The following MVB12B variants were observed in gnomAD, a reference collection of about 807,000 sequenced individuals.
The protein encoded by MVB12B is ESCRT-I complex subunit MVB12B.
A neutral mutation model predicts 41.6 loss-of-function variants in MVB12B; 16 were observed. The observed-to-expected ratio is 0.38, with a 90% CI of 0.26 to 0.58. MVB12B has a LOEUF of 0.58. Ranked by LOEUF, MVB12B falls within the 20% of genes least tolerant of loss-of-function variation. MVB12B has a pLI of 0.62. For missense variants in MVB12B, 274 were observed against 380.2 expected (o/e 0.72, Z 2.32); for synonymous variants, 133 against 139.7 (o/e 0.95, Z 0.34).
At chr9:126,396,695 A>T (rs1453652282) in intron 6 of MVB12B, 1 of 985,354 alleles carries the variant, frequency 1.0e-6, no homozygotes, top group Non-Finnish European at 1.2e-6. Flanking sequence ...CCTCTGGGAC[A>T]TCCCCCTATA....
intron 9 of MVB12B, among the ~76,000 whole-genome samples, chr9:126,501,992 C>G (rs1833969517): frequency 1.3e-5 from 2 of 152,194 alleles, no homozygotes; most frequent in African/African-American, 4.8e-5. Context: ...TGCCCGTGTA[C>G]AGGTGTCCCC....
chr9:126,472,868 T>C (rs1267492227), intron 7 of MVB12B, among the ~76,000 whole-genome samples: 3 of 152,198 alleles, frequency 2.0e-5, no homozygotes, highest in Non-Finnish European at 4.4e-5. Flanking sequence ...AGAATGCTAA[T>C]TGCGCCACAG....
intron 2 of MVB12B, among the ~76,000 whole-genome samples, chr9:126,378,775 C>T (rs16928937): frequency 0.011 from 1,644 of 152,242 alleles, 50 homozygotes; most frequent in East Asian, 0.069. Context: ...TTTAATGCTT[C>T]GCAGACAAGG....
At position 126,395,626 on chromosome 9, in the gene MVB12B, T is replaced by G. The variant is rs944299189; in HGVS notation, c.591T>G (p.Asn197Lys). 2 of 1,614,108 alleles carry G rather than the reference T, an allele frequency of 1.2e-6. No individual in the cohort carries two copies. Among genetic ancestry groups the G allele is most frequent in the Non-Finnish European group, 1.7e-6 (2 of 1,180,012 alleles). Residue 197 changes from asparagine (N) to lysine (K), a missense_variant, in exon 6 of 10, where the codon AAT becomes AAG. Physicochemically the swap from Asn to Lys is moderately conservative, Grantham distance 94 (BLOSUM62 0). Coordinates refer to ENST00000361171, the MANE Select transcript of MVB12B (RefSeq NM_033446.3). This position sits in a 1 kb window ranked among gnomAD's most constrained non-coding sequence, Gnocchi z 4.9. ...IWYRMGRVPR[N>K]HDSSQPTTPS... ...ATCGAATGGGCAGAGTACCAAGAAA[T>G]CATGACTCATCTCAACCCACAACGC...
intron 9 of MVB12B, among the ~76,000 whole-genome samples, chr9:126,496,610 T>A (rs1833841850): frequency 6.6e-6 from 1 of 151,994 alleles, no homozygotes; most frequent in African/African-American, 2.4e-5. Flanking sequence ...AGGAACACGC[T>A]TCCCAGAGCA....
intron 7 of MVB12B, among the ~76,000 whole-genome samples, chr9:126,452,075 G>T (rs191042929): frequency 1.3e-5 from 2 of 152,316 alleles, no homozygotes; most frequent in East Asian, 3.9e-4. Flanking sequence ...GGAGGCAGGG[G>T]ATCCTTGTGT....
chr9:126,481,239 C>G (rs1833517181), intron 7 of MVB12B, 130 bp from the exon 8 acceptor site: 2 of 788,808 alleles, frequency 2.5e-6, no homozygotes, highest in Middle Eastern at 2.3e-4. Flanking sequence ...TCCAGCACAT[C>G]TGTGCTGGAT....
chr9:126,376,335 C>A lies in MVB12B; in HGVS notation c.205-4729C>A. On this transcript the variant is annotated intron_variant, in intron 2 of 9. Coordinates refer to ENST00000361171, the MANE Select transcript of MVB12B (RefSeq NM_033446.3). The surrounding 1 kb of genome is among the most constrained non-coding windows in gnomAD (Gnocchi z 4.1). ...CTGTCCTGAGCCGGCACTGTTTCCC[C>A]CTATTCTCTTTGCTACCTTCAAGCT... 1 of 401,298 alleles carries A rather than the reference C, an allele frequency of 2.5e-6. No individual in the cohort carries two copies. The highest frequency in any genetic ancestry group is 4.9e-6 in the Non-Finnish European group (1 of 205,950). The allele number at this position is 401,298 out of a possible 1,614,324, so 24.9% of individuals were successfully genotyped here. A position where few individuals can be genotyped will look rare whatever the true frequency, so the allele number is the denominator to read the frequency against.
intron 2 of MVB12B, among the ~76,000 whole-genome samples, chr9:126,371,757 G>A (rs77627257): frequency 0.025 from 3,861 of 152,276 alleles, 146 homozygotes; most frequent in African/African-American, 0.088. Flanking sequence ...AAAATATTCC[G>A]TGAATAAGAT....
intron 9 of MVB12B, among the ~76,000 whole-genome samples, chr9:126,498,631 G>C (rs991163778): frequency 5.3e-5 from 8 of 152,150 alleles, no homozygotes; most frequent in Non-Finnish European, 1.2e-4. Flanking sequence ...CCTGCCCCCT[G>C]CGCCTCTCTG....
intron 3 of MVB12B, among the ~76,000 whole-genome samples, 188 bp downstream of exon 3, chr9:126,381,359 C>T (rs920171480): frequency 1.3e-5 from 2 of 152,170 alleles, no homozygotes; most frequent in Admixed American, 6.5e-5. Flanking sequence ...TTATTAACCA[C>T]GTACCCAAGT....
chr9:126,439,859 A>C lies in MVB12B; in HGVS notation c.757+17911A>C, dbSNP rs191418903. On this transcript the variant is annotated intron_variant, in intron 7 of 9. Coordinates refer to ENST00000361171, the MANE Select transcript of MVB12B (RefSeq NM_033446.3). ...GACTTTATATGGATTCTCTAATTTTAATCTTCAAAATGCTATCTAATGTCT... is the reference window on the plus strand; with the variant it reads ...GACTTTATATGGATTCTCTAATTTTCATCTTCAAAATGCTATCTAATGTCT... Among the ~76,000 whole-genome samples, 7 of 152,370 alleles carry C rather than the reference A, an allele frequency of 4.6e-5. No homozygotes were observed. The East Asian group carries it at 1.2e-3, about 25-fold the overall frequency.
At chr9:126,492,378 G>T (rs149955525) in intron 9 of MVB12B, among the ~76,000 whole-genome samples, 61 of 151,688 alleles carry the variant, frequency 4.0e-4, no homozygotes, top group African/African-American at 1.4e-3. Context: ...ATGTTGCCTG[G>T]CTCGCCTGGG....
At position 126,376,490 on chromosome 9, in the gene MVB12B, C is replaced by G. The variant is rs1186651993; in HGVS notation, c.205-4574C>G. 7.8e-7 allele frequency: 1 copy of G among 1,288,578 alleles called. No homozygotes were observed. The allele number at this position is 1,288,578 out of a possible 1,614,324, so 79.8% of individuals were successfully genotyped here. ...GGCTGGAGCCCTGTGGGTGGGGGGC[C>G]TGCTGGCTGGTGTGCTACACAGTGG... On this transcript the variant is annotated intron_variant, in intron 2 of 9. Transcript: ENST00000361171. The surrounding 1 kb of genome is among the most constrained non-coding windows in gnomAD (Gnocchi z 4.1).
intron 7 of MVB12B, among the ~76,000 whole-genome samples, chr9:126,467,114 G>A (rs1054408240): frequency 5.3e-5 from 8 of 152,164 alleles, no homozygotes; most frequent in Non-Finnish European, 1.2e-4. Flanking sequence ...AATTACAGAT[G>A]AGAGCCACTG....
At chr9:126,422,220 C>G (rs1208852200) in intron 7 of MVB12B, among the ~76,000 whole-genome samples, 1 of 152,156 alleles carries the variant, frequency 6.6e-6, no homozygotes, top group Non-Finnish European at 1.5e-5. Flanking sequence ...CCAGAGAATA[C>G]TCGCCACATT....
intron 7 of MVB12B, among the ~76,000 whole-genome samples, chr9:126,437,292 T>C (rs1832507383): frequency 1.3e-5 from 2 of 152,254 alleles, no homozygotes; most frequent in African/African-American, 4.8e-5. Flanking sequence ...ACAGATTGCA[T>C]AGACAGATTT....
At chr9:126,365,836 T>C (rs575603412) in intron 2 of MVB12B, among the ~76,000 whole-genome samples, 2 of 152,348 alleles carry the variant, frequency 1.3e-5, no homozygotes, top group South Asian at 4.1e-4. Flanking sequence ...ACCACGGGCC[T>C]GTACTGGGTA....
rs907278781 is a variant in MVB12B at position 126,381,151 on chromosome 9, A to C, written c.292A>C (p.Arg98=). 2 of 1,613,584 alleles carry C rather than the reference A, an allele frequency of 1.2e-6. No individual in the cohort carries two copies. The highest frequency in any genetic ancestry group is 1.7e-6 in the Non-Finnish European group (2 of 1,179,632). Residue 98 remains arginine (R), a synonymous_variant, in exon 3 of 10, where the codon AGA becomes CGA. Coordinates refer to ENST00000361171, the MANE Select transcript of MVB12B (RefSeq NM_033446.3). ...GGTTACCAGATACCTGTGTTTCACA[A>C]GATCATTTTCCAAAGAAAATGTAAG... ...SKVTRYLCFT[R]SFSKENSHLG...
Sources: gnomAD v4.1 joint callset for allele counts (sites outside exome capture counted in the v4.1 genomes callset) on GRCh38, gnomAD v4.1.1 for gene constraint, Gnocchi (gnomAD v3.1) non-coding constraint, MANE v1.5 for transcripts, NCBI Gene and HGNC (gene_info 2026-07-23, HGNC 2026-07-21) for gene names.